The following SDHB variants were observed in gnomAD, a reference collection of about 807,000 sequenced individuals.
The protein encoded by SDHB is succinate dehydrogenase complex iron sulfur subunit B, also known as succinate dehydrogenase [ubiquinone] iron-sulfur subunit, mitochondrial.
Under a neutral mutation model 39.7 loss-of-function variants are expected in SDHB, and 21 were observed. The ratio of observed to expected loss-of-function variants is 0.53; its 90% CI spans 0.37 to 0.76. SDHB has a LOEUF of 0.76. Among genes scored for constraint, SDHB ranks in the 30% least tolerant of loss-of-function variants. The pLI is 0.00. For missense variants in SDHB, 343 were observed against 350.9 expected (o/e 0.98, Z 0.18); for synonymous variants, 118 against 117.0 (o/e 1.01, Z -0.06).
chr1:17,049,996 G>C (rs943801567), intron 1 of SDHB, among the ~76,000 whole-genome samples: 1 of 152,066 alleles, frequency 6.6e-6, no homozygotes, highest in Admixed American at 6.6e-5. Flanking sequence ...TGGGCAACAG[G>C]CATTAGGCTC....
intron 7 of SDHB, 54 bp downstream of exon 7, chr1:17,022,554 T>C (rs778914018): frequency 1.4e-5 from 23 of 1,609,600 alleles, no homozygotes; most frequent in Non-Finnish European, 1.9e-5. Flanking sequence ...GAGCACATGC[T>C]ACTTCTGGCG....
chr1:17,030,513 T>G (rs560735265), intron 3 of SDHB, among the ~76,000 whole-genome samples: 1 of 152,252 alleles, frequency 6.6e-6, no homozygotes, highest in South Asian at 2.1e-4. Flanking sequence ...GACCCCGACA[T>G]GAGAATTTTC....
intron 1 of SDHB, among the ~76,000 whole-genome samples, chr1:17,048,261 CTTTT>C (rs529607595): frequency 2.3e-4 from 35 of 152,272 alleles, no homozygotes; most frequent in Non-Finnish European, 2.5e-4. Flanking sequence ...TTGGAATTGG[CTTTT>C]TTTATTCAGC....
chr1:17,027,259 A>G (rs2077995993), intron 5 of SDHB, among the ~76,000 whole-genome samples: 1 of 152,248 alleles, frequency 6.6e-6, no homozygotes, highest in Admixed American at 6.5e-5. Context: ...CCAGAGAGTG[A>G]GCAGGCCAGG....
chr1:17,051,698 G>C (rs914800754), intron 1 of SDHB, among the ~76,000 whole-genome samples: 1 of 150,328 alleles, frequency 6.7e-6, no homozygotes, highest in Non-Finnish European at 1.5e-5. Flanking sequence ...TAACCCGGGG[G>C]AGGGGGGGTC....
intron 2 of SDHB, among the ~76,000 whole-genome samples, chr1:17,035,374 T>C (rs2078045448): frequency 6.6e-6 from 1 of 152,178 alleles, no homozygotes; most frequent in African/African-American, 2.4e-5. Context: ...CTAAATCCTC[T>C]TTTGCTTCTT....
chr1:17,050,322 G>A (rs1352706949), intron 1 of SDHB, among the ~76,000 whole-genome samples: 1 of 149,572 alleles, frequency 6.7e-6, no homozygotes, highest in Non-Finnish European at 1.5e-5. Flanking sequence ...TTTTTTTTCA[G>A]TACAACTAAT....
At chr1:17,044,489 T>G (rs1019231956) in intron 2 of SDHB, among the ~76,000 whole-genome samples, 3 of 152,170 alleles carry the variant, frequency 2.0e-5, no homozygotes, top group African/African-American at 7.2e-5. Context: ...TATACCCAGC[T>G]AATTTCTGTA....
At chr1:17,032,852 C>T (rs2078030914) in intron 3 of SDHB, 1 of 625,894 alleles carries the variant, frequency 1.6e-6, no homozygotes, top group Non-Finnish European at 2.9e-6. Context: ...ATAGAATGCT[C>T]CTGAAGGAAA....
At chr1:17,051,919 G>A (rs2078150335) in intron 1 of SDHB, among the ~76,000 whole-genome samples, 1 of 150,756 alleles carries the variant, frequency 6.6e-6, no homozygotes, top group African/African-American at 2.4e-5. Context: ...TCAGCTCACT[G>A]CACCCTCCAC....
At chr1:17,034,274 G>C (rs529677797) in intron 2 of SDHB, among the ~76,000 whole-genome samples, 8 of 151,832 alleles carry the variant, frequency 5.3e-5, no homozygotes, top group South Asian at 4.2e-4. Context: ...CAGCCCCCCA[G>C]TAGCTGGGAC....
intron 1 of SDHB, among the ~76,000 whole-genome samples, chr1:17,045,809 CT>C (rs2078106720): frequency 6.6e-6 from 1 of 152,142 alleles, no homozygotes; most frequent in African/African-American, 2.4e-5. Context: ...CGGGCCAAGT[CT>C]TCATTTGCAT....
At chr1:17,045,258 GAGA>G (rs1313499206) in intron 1 of SDHB, 1 of 293,078 alleles carries the variant, frequency 3.4e-6, no homozygotes, top group African/African-American at 2.2e-5. Context: ...TGAAGAGTCA[GAGA>G]AGGCTTCCTC....
rs190756466 is a variant in SDHB at position 17,045,098 on chromosome 1, A to G, written c.73-210T>C. 4.6e-5 allele frequency: 26 copies of G among 560,848 alleles called. No individual in the cohort carries two copies. In the African/African-American group the frequency reaches 4.9e-4, roughly 11 times the overall value. 34.7% of individuals were successfully genotyped at this position (560,848 alleles called of 1,614,324 possible). ...AGACATGGTATTAGGGGCTAGTGAC[A>G]CAGCACTTAATACACAAAAACCTTC... On this transcript the variant is annotated intron_variant, in intron 1 of 7. Coordinates refer to ENST00000375499, the MANE Select transcript of SDHB (RefSeq NM_003000.3).
At chr1:17,048,780 G>A (rs2078127358) in intron 1 of SDHB, among the ~76,000 whole-genome samples, 1 of 151,246 alleles carries the variant, frequency 6.6e-6, no homozygotes, top group South Asian at 2.1e-4. Flanking sequence ...GCGCGATCTC[G>A]GCTCACTGCA....
At chr1:17,037,668 G>A (rs1457680103) in intron 2 of SDHB, among the ~76,000 whole-genome samples, 4 of 152,134 alleles carry the variant, frequency 2.6e-5, no homozygotes, top group South Asian at 4.2e-4. Flanking sequence ...TGTTGTCCAG[G>A]GTGGTCTTGA....
At chr1:17,041,913 G>A (rs1236443785) in intron 2 of SDHB, among the ~76,000 whole-genome samples, 1 of 151,814 alleles carries the variant, frequency 6.6e-6, no homozygotes, top group East Asian at 1.9e-4. Context: ...CGTTATTCAA[G>A]CTAAGATTTT....
At chr1:17,029,099 T>TTTTTTG (rs2078008658) in intron 3 of SDHB, among the ~76,000 whole-genome samples, 1 of 139,268 alleles carries the variant, frequency 7.2e-6, no homozygotes, top group African/African-American at 2.7e-5. Context: ...GCCTGTTTTT[T>TTTTTTG]TTTTTTTTTT....
Position 17,022,693 on chromosome 1 carries a change from G to A in SDHB, c.680C>T (p.Thr227Ile), listed in dbSNP as rs1486615365. The A allele has an allele frequency of 1.2e-6, 2 of 1,613,974 alleles. No individual in the cohort carries two copies. Among genetic ancestry groups the A allele is most frequent in the Admixed American group, 1.7e-5 (1 of 60,008 alleles). ...RWMIDSRDDF[T>I]EERLAKLQDP... ...CTGCAGCTTGGCCAGGCGCTCCTCT[G>A]TGAAGTCATCTCTGGAGTCAATCAT... The change falls in exon 7 of 8, where the codon ACA (threonine) becomes ATA (isoleucine). Residue 227 changes from threonine (T) to isoleucine (I), a missense_variant. By Grantham distance (89) the Thr-to-Ile change is moderately conservative (BLOSUM62 -1). Coordinates refer to ENST00000375499, the MANE Select transcript of SDHB (RefSeq NM_003000.3).
Sources: gnomAD v4.1 joint callset for allele counts (sites outside exome capture counted in the v4.1 genomes callset) on GRCh38, gnomAD v4.1.1 for gene constraint, MANE v1.5 for transcripts, NCBI Gene and HGNC (gene_info 2026-07-23, HGNC 2026-07-21) for gene names.